Variants in DMD observed in about 807,000 individuals in gnomAD.
The protein encoded by DMD is mutant dystrophin.
In DMD, 63 loss-of-function variants were observed where a neutral mutation model predicts 330.1. The ratio of observed to expected loss-of-function variants is 0.19; its 90% CI spans 0.16 to 0.24. DMD has a LOEUF of 0.24. Ranked by LOEUF, DMD falls within the 10% of genes least tolerant of loss-of-function variation. DMD has a pLI of 1.00. For missense variants in DMD, 3,344 were observed against 2,684.1 expected (o/e 1.25, Z -5.43); for synonymous variants, 1,223 against 959.8 (o/e 1.27, Z -5.07).
intron 61 of DMD, among the ~76,000 whole-genome samples, chrX:31,340,633 G>A (rs773674209): frequency 9.8e-5 from 11 of 111,839 alleles, no homozygotes; most frequent in African/African-American, 3.6e-4. Context: ...TGATAAAAAC[G>A]ACCATATAAA....
chrX:32,063,497 T>C (rs1051871823), intron 44 of DMD, among the ~76,000 whole-genome samples: 2 of 111,000 alleles, frequency 1.8e-5, no homozygotes, highest in Non-Finnish European at 3.8e-5. Context: ...AACCTGAATA[T>C]AAGACTGGGT....
chrX:32,348,308 T>C (rs1569559193), intron 38 of DMD, 98 bp downstream of exon 38: 4 of 859,811 alleles, frequency 4.7e-6, no homozygotes, highest in Non-Finnish European at 6.8e-6. Context: ...AAATGTGTAA[T>C]ATGTGCTCTG....
intron 7 of DMD, among the ~76,000 whole-genome samples, chrX:32,727,579 G>A (rs182796854): frequency 1.8e-5 from 2 of 110,307 alleles, no homozygotes; most frequent in African/African-American, 6.6e-5. Flanking sequence ...TTCCTATGCT[G>A]AATTTTTAGA....
intron 64 of DMD, among the ~76,000 whole-genome samples, chrX:31,218,139 T>C (rs945848209): frequency 1.8e-5 from 2 of 110,893 alleles, no homozygotes; most frequent in African/African-American, 6.6e-5. Flanking sequence ...AATCGAATAA[T>C]GCCTAAATCC....
chrX:33,030,124 T>C (rs17338968), intron 1 of DMD, among the ~76,000 whole-genome samples: 2,571 of 111,403 alleles, frequency 0.023, 49 homozygotes, highest in East Asian at 0.14. Context: ...GTGACACATG[T>C]ATGACATATT....
chrX:32,381,655 T>A (rs964647953), intron 33 of DMD, among the ~76,000 whole-genome samples: 9 of 111,830 alleles, frequency 8.0e-5, no homozygotes, highest in Non-Finnish European at 1.7e-4. Flanking sequence ...GCTTTATGTA[T>A]TGAATAAAGG....
At chrX:32,232,864 C>T (rs926132065) in intron 43 of DMD, among the ~76,000 whole-genome samples, 2 of 110,264 alleles carry the variant, frequency 1.8e-5, no homozygotes, top group South Asian at 3.8e-4. Flanking sequence ...ATATAGCTGC[C>T]GTAGAAAGAG....
chrX:31,822,653 G>GGGTGTGTGTGTGTGT (rs58903799), intron 49 of DMD, among the ~76,000 whole-genome samples: 1,177 of 65,809 alleles, frequency 0.018, 48 homozygotes, highest in African/African-American at 0.043. Flanking sequence ...AAGGCAGAGG[G>GGGTGTGTGTGTGTGT]GTGTGTGTGT....
At chrX:33,268,289 C>T (rs747095699) in intron 1 of DMD, among the ~76,000 whole-genome samples, 15 of 110,567 alleles carry the variant, frequency 1.4e-4, no homozygotes, top group Admixed American at 3.9e-4. Flanking sequence ...TGCGCCCGGC[C>T]GGCAAAGAAT....
At position 33,146,552 on chromosome X, in the gene DMD, C is replaced by A. The variant is rs112532385; in HGVS notation, c.31+64730G>T. 4.5e-4 allele frequency among the ~76,000 whole-genome samples: 50 copies of A among 110,796 alleles called. 2 individuals carry two copies. The highest frequency in any genetic ancestry group is 4.4e-3 in the Admixed American group (46 of 10,349). ...ATGCAAATGGAAAAACTGAGGCACACGAGTTTAAGAAACTCCCAGAACTAC... is the reference window on the plus strand; with the variant it reads ...ATGCAAATGGAAAAACTGAGGCACAAGAGTTTAAGAAACTCCCAGAACTAC... On this transcript the variant is annotated intron_variant, in intron 1 of 78. Transcript: ENST00000357033.
intron 47 of DMD, among the ~76,000 whole-genome samples, chrX:31,924,044 G>A (rs2094732250): frequency 8.9e-6 from 1 of 112,372 alleles, no homozygotes; most frequent in African/African-American, 3.2e-5. Flanking sequence ...CTTCCAGCTA[G>A]AGAAATGATT....
intron 54 of DMD, among the ~76,000 whole-genome samples, chrX:31,640,512 T>A (rs1334390830): frequency 8.9e-6 from 1 of 112,306 alleles, no homozygotes; most frequent in African/African-American, 3.2e-5. Context: ...ATACACAATG[T>A]GAATATTTTT....
intron 33 of DMD, 117 bp downstream of exon 33, chrX:32,386,189 CATAG>C (rs1165618599): frequency 4.1e-6 from 3 of 722,895 alleles, no homozygotes; most frequent in African/African-American, 2.1e-5. Context: ...TATACATATA[CATAG>C]AGAGAGAGAG....
At chrX:31,376,247 C>G (rs747941765) in intron 60 of DMD, among the ~76,000 whole-genome samples, 3 of 112,266 alleles carry the variant, frequency 2.7e-5, no homozygotes, top group African/African-American at 9.7e-5. Context: ...GCACATCAAA[C>G]TGCATCATGA....
At chrX:31,998,812 T>C (rs1284267131) in intron 44 of DMD, among the ~76,000 whole-genome samples, 1 of 112,260 alleles carries the variant, frequency 8.9e-6, no homozygotes, top group Non-Finnish European at 1.9e-5. Context: ...TACTTATAAA[T>C]TCTACAATGC....
chrX:32,522,391 G>C (rs1018412192), intron 17 of DMD, among the ~76,000 whole-genome samples: 1 of 111,562 alleles, frequency 9.0e-6, no homozygotes, highest in Non-Finnish European at 1.9e-5. Flanking sequence ...GATGTACTTA[G>C]ATTGGGGGTA....
chrX:32,493,899 C>T (rs565949875), intron 19 of DMD, among the ~76,000 whole-genome samples: 288 of 110,969 alleles, frequency 2.6e-3, no homozygotes, highest in Non-Finnish European at 4.4e-3. Flanking sequence ...AGGTATTAAA[C>T]AGGCAAAAAA....
chrX:33,280,957 C>T (rs2148921393), intron 1 of DMD, among the ~76,000 whole-genome samples: 1 of 111,538 alleles, frequency 9.0e-6, no homozygotes, highest in East Asian at 2.8e-4. Context: ...TTATAATAAG[C>T]CTGTGTAAGT....
At chrX:32,140,804 C>T (rs1011714989) in intron 44 of DMD, among the ~76,000 whole-genome samples, 15 of 110,528 alleles carry the variant, frequency 1.4e-4, no homozygotes, top group East Asian at 5.8e-4. Flanking sequence ...TGGGGGAAAC[C>T]GCCCCCATGA....
Sources: allele counts gnomAD v4.1 joint callset (sites outside exome capture counted in the v4.1 genomes callset), GRCh38; gene constraint gnomAD v4.1.1; transcripts MANE v1.5; gene names NCBI Gene and HGNC (gene_info 2026-07-23, HGNC 2026-07-21).